The following PHLPP1 variants were observed in gnomAD, a reference collection of about 807,000 sequenced individuals.
The protein encoded by PHLPP1 is PH domain and leucine rich repeat protein phosphatase 1.
PHLPP1 carries 42 observed loss-of-function variants against 117.2 expected under a neutral mutation model. The ratio of observed to expected loss-of-function variants is 0.36; its 90% CI spans 0.28 to 0.46. PHLPP1 has a LOEUF of 0.46. PHLPP1 is among the 20% of genes least tolerant of loss of function. The pLI is 1.00. For missense variants in PHLPP1, 2,084 were observed against 2,241.9 expected (o/e 0.93, Z 1.42); for synonymous variants, 1,042 against 970.7 (o/e 1.07, Z -1.37).
intron 3 of PHLPP1, among the ~76,000 whole-genome samples, chr18:62,840,798 T>C (rs1397730033): frequency 6.6e-6 from 1 of 152,218 alleles, no homozygotes; most frequent in African/African-American, 2.4e-5. Flanking sequence ...CCCAACCCCC[T>C]CACTCAGTTT....
intron 1 of PHLPP1, among the ~76,000 whole-genome samples, chr18:62,822,304 C>CAG (rs1466941930): frequency 8.9e-6 from 1 of 112,378 alleles, no homozygotes; most frequent in Non-Finnish European, 1.7e-5. Flanking sequence ...TTTTTTGAGA[C>CAG]AGAGTCTCGC....
At chr18:62,976,227 G>A (rs1911182728) in intron 16 of PHLPP1, among the ~76,000 whole-genome samples, 1 of 152,176 alleles carries the variant, frequency 6.6e-6, no homozygotes, top group African/African-American at 2.4e-5. Flanking sequence ...GGCGGAGAGT[G>A]CAATTGACAT....
chr18:62,859,739 C>T lies in PHLPP1; in HGVS notation c.1900-696C>T, dbSNP rs555748257. Reference sequence around the variant, plus strand: ...CGATAGCTCTGAATTCTCTTTCTGTCGGAGAGAATTATTCCTTATGTTTTC... The same window carrying T: ...CGATAGCTCTGAATTCTCTTTCTGTTGGAGAGAATTATTCCTTATGTTTTC... On this transcript the variant is annotated intron_variant, in intron 3 of 16. Coordinates refer to ENST00000262719, the MANE Select transcript of PHLPP1 (RefSeq NM_194449.4). 1.5e-4 allele frequency among the ~76,000 whole-genome samples: 23 copies of T among 152,162 alleles called. No homozygotes were observed. In the South Asian group the frequency reaches 2.9e-3, roughly 19 times the overall value.
At chr18:62,795,108 G>A (rs1163161052) in intron 1 of PHLPP1, among the ~76,000 whole-genome samples, 2 of 152,028 alleles carry the variant, frequency 1.3e-5, no homozygotes, top group African/African-American at 4.8e-5. Flanking sequence ...AATATTTTAG[G>A]CTGTGCAGTT....
rs1474788002 is a variant in PHLPP1 at position 62,849,126 on chromosome 18, A to C, written c.1899+10217A>C. Among the ~76,000 whole-genome samples the C allele has an allele frequency of 2.0e-5, 3 of 152,166 alleles. No individual in the cohort carries two copies. In the East Asian group the frequency reaches 5.8e-4, roughly 29 times the overall value. On this transcript the variant is annotated intron_variant, in intron 3 of 16. Transcript: ENST00000262719. ...CATAGTCACTCTACATTGCTCATTG[A>C]TCTTCTTAAATGATGACCAAGAGTT...
chr18:62,802,153 G>A (rs770696353), intron 1 of PHLPP1, among the ~76,000 whole-genome samples: 1 of 152,100 alleles, frequency 6.6e-6, no homozygotes, highest in African/African-American at 2.4e-5. Context: ...TTTTCCAGTT[G>A]TTGATGGAAG....
intron 10 of PHLPP1, among the ~76,000 whole-genome samples, chr18:62,941,173 T>C (rs760461530): frequency 1.3e-5 from 2 of 152,234 alleles, no homozygotes; most frequent in South Asian, 4.1e-4. Context: ...TGCTTTGGAC[T>C]TTATACTGAA....
At chr18:62,774,561 C>T (rs1198968415) in intron 1 of PHLPP1, among the ~76,000 whole-genome samples, 2 of 152,196 alleles carry the variant, frequency 1.3e-5, no homozygotes, top group African/African-American at 2.4e-5. Context: ...TGATTCCCAT[C>T]CCTTCTTTTA....
intron 10 of PHLPP1, among the ~76,000 whole-genome samples, chr18:62,921,308 G>T (rs1446020870): frequency 6.6e-6 from 1 of 152,208 alleles, no homozygotes; most frequent in Non-Finnish European, 1.5e-5. Flanking sequence ...TTCTAGAAGT[G>T]CAGAGAAGAG....
rs774225759 is a variant in PHLPP1, at chr18:62,900,433, C to CTTTTTTTTT, written c.2445-2511_2445-2503dup. On this transcript the variant is annotated intron_variant, in intron 6 of 16. Transcript: ENST00000262719. ...GTATTCTTGTTTTTTCTTTTTCTTT[C>CTTTTTTTTT]TTTTTTTTTTTTTTTTTTTTTTTTT... Among the ~76,000 whole-genome samples, 28 of 54,256 alleles carry CTTTTTTTTT rather than the reference C, an allele frequency of 5.2e-4. 6 individuals carry two copies. The highest frequency in any genetic ancestry group is 1.6e-3 in the African/African-American group (20 of 12,282). 35.6% of individuals were successfully genotyped at this position (54,256 alleles called of 152,430 possible).
At chr18:62,952,675 G>A (rs190307410) in intron 12 of PHLPP1, among the ~76,000 whole-genome samples, 10 of 152,254 alleles carry the variant, frequency 6.6e-5, no homozygotes, top group East Asian at 1.9e-4. Flanking sequence ...TGCGCATGCC[G>A]GAGTGCAGTG....
Position 62,860,541 on chromosome 18 carries a change from A to G in PHLPP1, c.2006A>G (p.Gln669Arg). The change falls in exon 4 of 17, where the codon CAA (glutamine) becomes CGA (arginine). Residue 669 changes from glutamine to arginine, a missense_variant. Physicochemically the swap from Gln to Arg is conservative, Grantham distance 43. Coordinates refer to ENST00000262719, the MANE Select transcript of PHLPP1 (RefSeq NM_194449.4). Reference protein sequence around the residue: ...SQDLTHLNLKQNFLRQNPSLP... With the variant: ...SQDLTHLNLKRNFLRQNPSLP... ...GACCTCACTCATCTCAATTTAAAACAAAACTTCCTAAGGCAGAACCCTAGC... is the reference window on the plus strand; with the variant it reads ...GACCTCACTCATCTCAATTTAAAACGAAACTTCCTAAGGCAGAACCCTAGC... 1.2e-6 allele frequency: 2 copies of G among 1,613,878 alleles called. No individual in the cohort carries two copies. The highest frequency in any genetic ancestry group is 1.7e-6 in the Non-Finnish European group (2 of 1,179,840).
chr18:62,966,465 A>ATT lies in PHLPP1; in HGVS notation c.3560+3015_3560+3016dup, dbSNP rs3087157. ...CCCTTTTTAATGTACAGTTCTACAAATTTTTTTTTTTTTTTTTTTTTTTGA... is the reference window on the plus strand; with the variant it reads ...CCCTTTTTAATGTACAGTTCTACAAATTTTTTTTTTTTTTTTTTTTTTTTTGA... On this transcript the variant is annotated intron_variant, in intron 14 of 16. Coordinates refer to ENST00000262719, the MANE Select transcript of PHLPP1 (RefSeq NM_194449.4). Among the ~76,000 whole-genome samples the ATT allele has an allele frequency of 4.2e-3, 461 of 108,972 alleles. 3 individuals are homozygous for ATT. The highest frequency in any genetic ancestry group is 5.0e-3 in the African/African-American group (130 of 25,860). 71.5% of individuals were successfully genotyped at this position (108,972 alleles called of 152,430 possible).
intron 1 of PHLPP1, among the ~76,000 whole-genome samples, chr18:62,783,826 G>C (rs1208678442): frequency 6.6e-6 from 1 of 152,114 alleles, no homozygotes; most frequent in Non-Finnish European, 1.5e-5. Context: ...CCACATAATG[G>C]AAGTAAAAAA....
chr18:62,927,347 G>C (rs1909663719), intron 10 of PHLPP1, among the ~76,000 whole-genome samples: 1 of 152,060 alleles, frequency 6.6e-6, no homozygotes, highest in Non-Finnish European at 1.5e-5. Flanking sequence ...CCCAAAATAA[G>C]AAAGCAAAAA....
intron 16 of PHLPP1, among the ~76,000 whole-genome samples, chr18:62,976,752 C>G (rs1410357752): frequency 6.6e-6 from 1 of 152,186 alleles, no homozygotes; most frequent in East Asian, 1.9e-4. Flanking sequence ...TCTTTTTTCT[C>G]TACTGGACTA....
intron 10 of PHLPP1, among the ~76,000 whole-genome samples, 170 bp from the exon 11 acceptor site, chr18:62,941,548 G>C (rs1367288890): frequency 6.6e-6 from 1 of 152,182 alleles, no homozygotes; most frequent in Non-Finnish European, 1.5e-5. Flanking sequence ...ATGATAGTTA[G>C]TGAATCACAG....
At chr18:62,825,469 A>G (rs1416469766) in intron 1 of PHLPP1, 1 of 147,570 alleles carries the variant, frequency 6.8e-6, no homozygotes, top group Non-Finnish European at 1.5e-5. Context: ...TATAATATAT[A>G]TATTTTAAAG....
intron 1 of PHLPP1, among the ~76,000 whole-genome samples, chr18:62,762,517 G>A (rs1266893953): frequency 2.7e-5 from 4 of 150,352 alleles, no homozygotes; most frequent in East Asian, 2.0e-4. Context: ...GGGTTCAAGC[G>A]ATTCTCCTGT....
Sources: gnomAD v4.1 joint callset for allele counts (sites outside exome capture counted in the v4.1 genomes callset) on GRCh38, gnomAD v4.1.1 for gene constraint, MANE v1.5 for transcripts, NCBI Gene and HGNC (gene_info 2026-07-23, HGNC 2026-07-21) for gene names.